NELL2: variants seen among roughly 807,000 people sequenced by gnomAD.
NELL2 encodes neural EGFL like 2.
In NELL2, 41 loss-of-function variants were observed where a neutral mutation model predicts 109.6. The ratio of observed to expected loss-of-function variants is 0.37; its 90% CI spans 0.29 to 0.49. The LOEUF (loss-of-function observed/expected upper bound fraction) is 0.49. NELL2 is among the 20% of genes least tolerant of loss of function. NELL2 has a pLI of 0.98. For synonymous variants in NELL2, 355 were observed against 344.7 expected, an observed-to-expected ratio of 1.03 and a Z score of -0.33; for missense variants, 900 against 1,008.3, an observed-to-expected ratio of 0.89 and a Z score of 1.45.
rs1372346998 is a variant in NELL2, at chr12:44,587,302, TATA to T, written c.1663+19864_1663+19866del. The stretch of plus-strand genomic sequence containing the variant: ...AAAAAAAAATATATATATATATATA[TATA>T]TATTTTTTTTTAAATATGAAGTTAT... On this transcript the variant is annotated intron_variant, in intron 15 of 19. Coordinates refer to ENST00000429094, the MANE Select transcript of NELL2 (RefSeq NM_001145108.2). 1.3e-4 allele frequency among the ~76,000 whole-genome samples: 15 copies of T among 114,386 alleles called. 1 individual carries two copies. The highest frequency in any genetic ancestry group is 4.2e-3 in the Middle Eastern group (1 of 236). The allele number at this position is 114,386 out of a possible 152,430, so 75.0% of individuals were successfully genotyped here. A position where few individuals can be genotyped will look rare whatever the true frequency, so the allele number is the denominator to read the frequency against.
intron 2 of NELL2, among the ~76,000 whole-genome samples, chr12:44,827,207 A>G (rs1335536577): frequency 6.6e-6 from 1 of 152,192 alleles, no homozygotes; most frequent in African/African-American, 2.4e-5. Context: ...GTTACATGAG[A>G]TATTTTGATA....
In NELL2 at chr12:44,875,309, T is replaced by C. The variant is rs1157276102; in HGVS notation, c.100A>G (p.Thr34Ala). The change falls in exon 2 of 20, where the codon ACA becomes GCA. Residue 34 changes from threonine (T) to alanine (A), a missense_variant. Physicochemically the swap from Thr to Ala is moderately conservative, Grantham distance 58. Transcript: ENST00000429094. ...GTGGACTCCCCAAGTTCTAACTCTG[T>C]TAAGACGTCAATCTGTAGGGAAGGG... ...VDPSLQIDVL[T>A]ELELGESTTG... The C allele has an allele frequency of 8.1e-6, 13 of 1,614,020 alleles. No homozygotes were observed. In the South Asian group the frequency reaches 9.9e-5, roughly 12 times the overall value.
chr12:44,624,196 T>G (rs1250541732), intron 13 of NELL2, among the ~76,000 whole-genome samples: 1 of 152,086 alleles, frequency 6.6e-6, no homozygotes, highest in African/African-American at 2.4e-5. Flanking sequence ...CAACTTTCTT[T>G]ACTTTCCCTT....
chr12:44,880,678 A>G (rs1945401201), upstream of NELL2, among the ~76,000 whole-genome samples: 1 of 152,040 alleles, frequency 6.6e-6, no homozygotes, highest in Non-Finnish European at 1.5e-5. Flanking sequence ...AAAATGGATT[A>G]AGTACACTTT....
intron 2 of NELL2, among the ~76,000 whole-genome samples, chr12:44,829,979 T>C (rs988737188): frequency 1.3e-5 from 2 of 152,154 alleles, no homozygotes; most frequent in Non-Finnish European, 2.9e-5. Flanking sequence ...AGGAAAAAAA[T>C]GTTCTTTCAA....
At chr12:44,839,302 T>G (rs529087507) in intron 2 of NELL2, among the ~76,000 whole-genome samples, 1 of 152,302 alleles carries the variant, frequency 6.6e-6, no homozygotes, top group East Asian at 1.9e-4. Context: ...TCAGTCTATA[T>G]TTATATCTTC....
chr12:44,826,648 A>C (rs1943719493), intron 2 of NELL2, among the ~76,000 whole-genome samples: 1 of 152,244 alleles, frequency 6.6e-6, no homozygotes, highest in Non-Finnish European at 1.5e-5. Flanking sequence ...GCTGATGAGA[A>C]AAATGGAACC....
intron 2 of NELL2, among the ~76,000 whole-genome samples, chr12:44,862,767 C>T (rs1944879119): frequency 2.0e-5 from 3 of 151,746 alleles, no homozygotes; most frequent in South Asian, 2.1e-4. Context: ...GACAGTAATA[C>T]CAACAGAATG....
intron 3 of NELL2, among the ~76,000 whole-genome samples, chr12:44,791,216 A>AT (rs1942417494): frequency 1.1e-5 from 1 of 90,540 alleles, no homozygotes; most frequent in African/African-American, 4.1e-5. Context: ...ATATATATAT[A>AT]TATATATATA....
chr12:44,818,441 A>G (rs1405214259), intron 2 of NELL2, among the ~76,000 whole-genome samples: 1 of 152,186 alleles, frequency 6.6e-6, no homozygotes, highest in African/African-American at 2.4e-5. Context: ...AGAGAAATGG[A>G]GAAAGGATTA....
At chr12:44,735,461 T>C (rs1939591403) in intron 9 of NELL2, among the ~76,000 whole-genome samples, 1 of 152,212 alleles carries the variant, frequency 6.6e-6, no homozygotes, top group South Asian at 2.1e-4. Flanking sequence ...GCCTAGGCTT[T>C]ATATCCATGC....
chr12:44,800,382 A>C (rs1020007287), intron 3 of NELL2, among the ~76,000 whole-genome samples: 4 of 152,146 alleles, frequency 2.6e-5, no homozygotes, highest in Non-Finnish European at 5.9e-5. Flanking sequence ...GACGAGAGAG[A>C]GAGAGAGTCC....
At chr12:44,626,822 CA>C (rs1470616414) in intron 13 of NELL2, among the ~76,000 whole-genome samples, 1 of 152,058 alleles carries the variant, frequency 6.6e-6, no homozygotes, top group Admixed American at 6.6e-5. Context: ...ACTTCCAGTC[CA>C]GCAGCTTTTG....
intron 12 of NELL2, among the ~76,000 whole-genome samples, chr12:44,667,435 CGT>C (rs1947960373): frequency 6.6e-6 from 1 of 152,086 alleles, no homozygotes; most frequent in African/African-American, 2.4e-5. Flanking sequence ...ATGGGCAACA[CGT>C]AAATTAATGA....
At chr12:44,755,171 G>A (rs1431019356) in intron 9 of NELL2, among the ~76,000 whole-genome samples, 1 of 151,970 alleles carries the variant, frequency 6.6e-6, no homozygotes, top group Non-Finnish European at 1.5e-5. Flanking sequence ...TGTTATTCCA[G>A]CAAGAACACC....
At chr12:44,810,603 T>C (rs1268319033) in intron 3 of NELL2, among the ~76,000 whole-genome samples, 1 of 152,162 alleles carries the variant, frequency 6.6e-6, no homozygotes. Context: ...ACTCATACCA[T>C]GGCCTATTTC....
chr12:44,560,010 A>G, intron 15 of NELL2, among the ~76,000 whole-genome samples: 1 of 152,236 alleles, frequency 6.6e-6, no homozygotes, highest in East Asian at 1.9e-4. Context: ...ATTAGAACTC[A>G]GGATTAAAAA....
At chr12:44,741,174 C>A (rs1779448651) in intron 9 of NELL2, among the ~76,000 whole-genome samples, 1 of 152,202 alleles carries the variant, frequency 6.6e-6, no homozygotes, top group Non-Finnish European at 1.5e-5. Flanking sequence ...TGATAATCTA[C>A]TTCCACTTAA....
At chr12:44,673,942 A>AG (rs1311652192) in intron 12 of NELL2, among the ~76,000 whole-genome samples, 1 of 152,202 alleles carries the variant, frequency 6.6e-6, no homozygotes, top group Non-Finnish European at 1.5e-5. Flanking sequence ...CTTTAAAAAA[A>AG]AAAACTTCAT....
Sources: gnomAD v4.1 joint callset for allele counts (sites outside exome capture counted in the v4.1 genomes callset) on GRCh38, gnomAD v4.1.1 for gene constraint, MANE v1.5 for transcripts, NCBI Gene and HGNC (gene_info 2026-07-23, HGNC 2026-07-21) for gene names.